The following SLC8A3 variants were observed in gnomAD, a reference collection of about 807,000 sequenced individuals.
SLC8A3 encodes the protein sodium/calcium exchanger 3.
A neutral mutation model predicts 65.4 loss-of-function variants in SLC8A3; 37 were observed. The ratio of observed to expected loss-of-function variants is 0.57; its 90% CI spans 0.44 to 0.74. The LOEUF is 0.74. SLC8A3 is among the 30% of genes least tolerant of loss of function. The probability of loss-of-function intolerance (pLI) is 0.00; values close to 1 mark genes in which losing one functional copy is unlikely to be tolerated. For missense variants in SLC8A3, 1,112 were observed against 1,172.1 expected (o/e 0.95, Z 0.75); for synonymous variants, 461 against 444.5 (o/e 1.04, Z -0.47).
At position 70,166,872 on chromosome 14, in the gene SLC8A3, A is replaced by G; in HGVS notation, c.1551T>C (p.Cys517=). The G allele has an allele frequency of 6.2e-7, 1 of 1,614,180 alleles. No individual in the cohort carries two copies. The highest frequency in any genetic ancestry group is 8.5e-7 in the Non-Finnish European group (1 of 1,179,998). The change falls in exon 2 of 7, where the codon TGT becomes TGC. Residue 517 remains cysteine, a synonymous_variant. Coordinates refer to ENST00000356921, the MANE Select transcript of SLC8A3 (RefSeq NM_182932.3). ...PLPRAVLASP[C]VATVTILDDD... ...CATCCAAGATGGTAACTGTGGCCAC[A>G]CAAGGGGAGGCTAGGACAGCCCGAG...
chr14:70,061,526 G>A (rs999703391), intron 2 of SLC8A3, among the ~76,000 whole-genome samples: 1 of 149,486 alleles, frequency 6.7e-6, no homozygotes, highest in African/African-American at 2.5e-5. Flanking sequence ...CCAGACAGAG[G>A]AAGAGAAGAG....
rs114153338 is a variant in SLC8A3, at chr14:70,084,126, A to T, written c.1785-23187T>A. Reference sequence around the variant, plus strand: ...CAAATTACTTAGCAGAAATTGCTCAATAGTAACTAATTGCTGTTGTTGTGA... The same window carrying T: ...CAAATTACTTAGCAGAAATTGCTCATTAGTAACTAATTGCTGTTGTTGTGA... On this transcript the variant is annotated intron_variant, in intron 2 of 6. Coordinates refer to ENST00000356921, the MANE Select transcript of SLC8A3 (RefSeq NM_182932.3). Among the ~76,000 whole-genome samples, 621 of 152,348 alleles carry T rather than the reference A, an allele frequency of 4.1e-3. 5 individuals are homozygous for T. Among genetic ancestry groups the T allele is most frequent in the African/African-American group, 0.014 (587 of 41,570 alleles).
Position 70,167,629 on chromosome 14 carries a change from T to G in SLC8A3, c.794A>C (p.Tyr265Ser). The G allele has an allele frequency of 6.2e-7, 1 of 1,614,160 alleles. No individual in the cohort carries two copies. Among genetic ancestry groups the G allele is most frequent in the Non-Finnish European group, 8.5e-7 (1 of 1,180,028 alleles). Residue 265 changes from tyrosine to serine, a missense_variant, in exon 2 of 7, where the codon TAC becomes TCC. Coordinates refer to ENST00000356921, the MANE Select transcript of SLC8A3 (RefSeq NM_182932.3). ...LLFYKYMHKK[Y>S]RTDKHRGIII... ...AATTCCTCGGTGTTTGTCTGTGCGG[T>G]ACTTTTTGTGCATGTATTTGTAGAA...
chr14:70,161,406 C>T (rs1469309818), intron 2 of SLC8A3, among the ~76,000 whole-genome samples: 1 of 150,528 alleles, frequency 6.6e-6, no homozygotes, highest in Admixed American at 6.7e-5. Flanking sequence ...CACTGTACTG[C>T]TAAGTATCCC....
chr14:70,149,216 G>A (rs925961531), intron 2 of SLC8A3, among the ~76,000 whole-genome samples: 24 of 152,326 alleles, frequency 1.6e-4, no homozygotes, highest in African/African-American at 5.1e-4. Flanking sequence ...TGAAGGCAAG[G>A]GTGACTCATC....
At chr14:70,055,921 A>T in intron 3 of SLC8A3, 1 of 984,022 alleles carries the variant, frequency 1.0e-6, no homozygotes. Flanking sequence ...GCATAAGGAA[A>T]GCAGAGAGCT....
chr14:70,138,168 G>A (rs1171296953), intron 2 of SLC8A3, among the ~76,000 whole-genome samples: 1 of 152,194 alleles, frequency 6.6e-6, no homozygotes, highest in Non-Finnish European at 1.5e-5. Context: ...GATGGACTGT[G>A]TGCCTCTGTG....
chr14:70,055,932 T>C lies in SLC8A3; in HGVS notation c.1889-3818A>G, dbSNP rs1327235736. The C allele has an allele frequency of 3.5e-6, 3 of 858,922 alleles. No individual in the cohort carries two copies. The African/African-American group carries it at 5.1e-5, about 14-fold the overall frequency. The allele number at this position is 858,922 out of a possible 1,614,324, so 53.2% of individuals were successfully genotyped here. ...GGCAGCATAAGGAAAGCAGAGAGCT[T>C]AGTAGGTGAGAGCTCAGCAGCCATA... is the stretch of plus-strand genomic sequence containing the variant. On this transcript the variant is annotated intron_variant, in intron 3 of 6. Transcript: ENST00000356921.
At chr14:70,183,539 C>G (rs963264939) in intron 1 of SLC8A3, among the ~76,000 whole-genome samples, 4 of 152,224 alleles carry the variant, frequency 2.6e-5, no homozygotes, top group Admixed American at 2.0e-4. Context: ...ATGTCTCACA[C>G]TCTGTGGAGC....
chr14:70,117,808 C>T (rs1893765956), intron 2 of SLC8A3, among the ~76,000 whole-genome samples: 1 of 152,114 alleles, frequency 6.6e-6, no homozygotes, highest in Non-Finnish European at 1.5e-5. Context: ...ATCCAGCTGC[C>T]CTAATTACCC....
chr14:70,165,351 A>T (rs1897107722), intron 2 of SLC8A3, among the ~76,000 whole-genome samples: 1 of 152,032 alleles, frequency 6.6e-6, no homozygotes, highest in Non-Finnish European at 1.5e-5. Flanking sequence ...CACTCCTAGG[A>T]CACCTCTCCC....
At chr14:70,161,421 C>G (rs1256104915) in intron 2 of SLC8A3, among the ~76,000 whole-genome samples, 1 of 150,374 alleles carries the variant, frequency 6.7e-6, no homozygotes, top group African/African-American at 2.4e-5. Flanking sequence ...TATCCCCATT[C>G]AACAACTGGC....
intron 2 of SLC8A3, among the ~76,000 whole-genome samples, chr14:70,126,564 TCTCTCTCACACA>T (rs1894459428): frequency 2.8e-5 from 3 of 105,512 alleles, no homozygotes; most frequent in African/African-American, 7.4e-5. Flanking sequence ...TCTCTCTCTC[TCTCTCTCACACA>T]CACACACACA....
At chr14:70,051,758 C>T (rs1170757147) in intron 4 of SLC8A3, among the ~76,000 whole-genome samples, 1 of 152,076 alleles carries the variant, frequency 6.6e-6, no homozygotes, top group Non-Finnish European at 1.5e-5. Flanking sequence ...ACTTTCTAGT[C>T]CACTTATTTC....
At chr14:70,118,219 A>G (rs1230758316) in intron 2 of SLC8A3, among the ~76,000 whole-genome samples, 2 of 152,234 alleles carry the variant, frequency 1.3e-5, no homozygotes, top group Non-Finnish European at 2.9e-5. Context: ...TGACAGAACC[A>G]TGGGAAAAAT....
chr14:70,160,182 C>G (rs115386462), intron 2 of SLC8A3, among the ~76,000 whole-genome samples: 10 of 152,262 alleles, frequency 6.6e-5, no homozygotes, highest in African/African-American at 2.2e-4. Flanking sequence ...TGGTAGCTCA[C>G]GCCTGTAATC....
chr14:70,174,054 A>G (rs1284906325), intron 1 of SLC8A3, among the ~76,000 whole-genome samples: 1 of 152,256 alleles, frequency 6.6e-6, no homozygotes, highest in Non-Finnish European at 1.5e-5. Flanking sequence ...CATAGAGGTT[A>G]GGGAATTTGC....
chr14:70,055,918 G>GA, intron 3 of SLC8A3: 2 of 1,010,960 alleles, frequency 2.0e-6, no homozygotes, highest in Non-Finnish European at 3.0e-6. Context: ...GCAGCATAAG[G>GA]AAAGCAGAGA....
intron 5 of SLC8A3, among the ~76,000 whole-genome samples, chr14:70,050,649 C>G (rs563405955): frequency 6.6e-6 from 1 of 152,104 alleles, no homozygotes; most frequent in Admixed American, 6.6e-5. Context: ...CGGGACCAAA[C>G]CCATGAAAAG....
Sources: allele counts gnomAD v4.1 joint callset (sites outside exome capture counted in the v4.1 genomes callset), GRCh38; gene constraint gnomAD v4.1.1; transcripts MANE v1.5; gene names NCBI Gene and HGNC (gene_info 2026-07-23, HGNC 2026-07-21).